Variants in SIAH1 observed in about 807,000 individuals in gnomAD.
SIAH1 encodes E3 ubiquitin-protein ligase SIAH1.
A neutral mutation model predicts 20.0 loss-of-function variants in SIAH1; 2 were observed. The observed-to-expected ratio is 0.10, with a 90% CI of 0.04 to 0.31. The LOEUF is 0.31. Among genes scored for constraint, SIAH1 ranks in the 10% least tolerant of loss-of-function variants. The pLI, the probability that SIAH1 is intolerant of heterozygous loss-of-function variation, is 1.00. For synonymous variants in SIAH1, 118 were observed against 125.3 expected (o/e 0.94, Z 0.39); for missense variants, 119 against 355.3 (o/e 0.33, Z 5.35).
chr16:48,384,480 T>A (rs770232463), intron 1 of SIAH1, among the ~76,000 whole-genome samples: 4 of 152,128 alleles, frequency 2.6e-5, no homozygotes, highest in Non-Finnish European at 4.4e-5. Context: ...AAATGAACCC[T>A]AGGAAATGCC....
At chr16:48,365,201 G>A (rs768531090) in intron 1 of SIAH1, 1 of 614,452 alleles carries the variant, frequency 1.6e-6, no homozygotes, top group Non-Finnish European at 2.8e-6. Context: ...CAGCCCTGCA[G>A]AAGTCATGAC....
intron 1 of SIAH1, chr16:48,365,321 A>G (rs1369044654): frequency 2.6e-6 from 4 of 1,556,838 alleles, no homozygotes; most frequent in South Asian, 1.1e-5. Flanking sequence ...TAAGCCAGGC[A>G]GGTTCCACTG....
intron 1 of SIAH1, among the ~76,000 whole-genome samples, chr16:48,375,145 A>AAT (rs1045089955): frequency 2.0e-5 from 3 of 152,192 alleles, no homozygotes; most frequent in African/African-American, 7.2e-5. Context: ...TGAGACTCTA[A>AAT]AAAGTCTATC....
upstream of SIAH1, chr16:48,385,520 G>GCAGGCGCA (rs895550569): frequency 2.6e-5 from 4 of 151,668 alleles, no homozygotes; most frequent in Non-Finnish European, 5.9e-5. Flanking sequence ...TCGCGGGCGC[G>GCAGGCGCA]CAGGCGCACA....
At position 48,362,671 on chromosome 16, in the gene SIAH1, CTCCCTTAA is replaced by C. The variant is rs1326584935; in HGVS notation, c.-2-249_-2-242del. ...AAAATGTTCCGGAAAACATGTGGAA[CTCCCTTAA>C]TCGTCTTTGGATAGACTACATAGAA... On this transcript the variant is annotated intron_variant, in intron 1 of 1. Coordinates refer to ENST00000394725, the MANE Select transcript of SIAH1 (RefSeq NM_003031.4). The surrounding 1 kb of genome is among the most constrained non-coding windows in gnomAD (Gnocchi z 4.2). 4.2e-6 allele frequency: 2 copies of C among 474,772 alleles called. No individual in the cohort carries two copies. Among genetic ancestry groups the C allele is most frequent in the Non-Finnish European group, 7.8e-6 (2 of 257,256 alleles). The allele number at this position is 474,772 out of a possible 1,614,324, so 29.4% of individuals were successfully genotyped here. A position where few individuals can be genotyped will look rare whatever the true frequency, so the allele number is the denominator to read the frequency against.
At chr16:48,364,192 G>A (rs1053486590) in intron 1 of SIAH1, among the ~76,000 whole-genome samples, 1 of 151,702 alleles carries the variant, frequency 6.6e-6, no homozygotes, top group African/African-American at 2.4e-5. Context: ...CACCCGCCTC[G>A]GCCTCCCAAA....
At chr16:48,367,306 G>A (rs1360113852) in intron 1 of SIAH1, among the ~76,000 whole-genome samples, 1 of 152,182 alleles carries the variant, frequency 6.6e-6, no homozygotes, top group Non-Finnish European at 1.5e-5. Flanking sequence ...AAAGATGACT[G>A]ATTATTTCTC....
chr16:48,363,677 GAAC>G (rs1485473172), intron 1 of SIAH1: 2 of 167,178 alleles, frequency 1.2e-5, no homozygotes, highest in East Asian at 3.8e-4. Flanking sequence ...AACAGGTGAA[GAAC>G]CCCTTGCAGC....
At chr16:48,377,079 T>C (rs1283986688) in intron 1 of SIAH1, among the ~76,000 whole-genome samples, 1 of 152,202 alleles carries the variant, frequency 6.6e-6, no homozygotes, top group Non-Finnish European at 1.5e-5. Context: ...CTATACCAAG[T>C]ACGCTGAAAT....
intron 1 of SIAH1, among the ~76,000 whole-genome samples, chr16:48,381,722 TAAAA>T: frequency 6.6e-6 from 1 of 152,018 alleles, no homozygotes; most frequent in Non-Finnish European, 1.5e-5. Context: ...ATGGTGACAA[TAAAA>T]GAAAGAAGAT....
intron 1 of SIAH1, chr16:48,365,979 A>G: frequency 9.5e-7 from 1 of 1,052,134 alleles, no homozygotes; most frequent in Non-Finnish European, 1.2e-6. Context: ...CGCCAGGGCC[A>G]GTTCAGGGCG....
chr16:48,366,508 A>G (rs1164071041), intron 1 of SIAH1, among the ~76,000 whole-genome samples: 1 of 152,030 alleles, frequency 6.6e-6, no homozygotes. Flanking sequence ...TAAACCTCCT[A>G]AGAGATTATA....
rs1228433714 is a variant in SIAH1 at position 48,361,543 on chromosome 16, GT to G, written c.*36del. On this transcript the variant is annotated 3_prime_UTR_variant, in exon 2 of 2. Transcript: ENST00000394725. ...GTGCCTTATTTTCTGTGAAACTGAA[GT>G]TTTAAACACTGGCCAGAAAATGTTT... The G allele has an allele frequency of 6.3e-7, 1 of 1,599,840 alleles. No individual in the cohort carries two copies. The highest frequency in any genetic ancestry group is 8.5e-7 in the Non-Finnish European group (1 of 1,173,376).
rs184150006 is a variant in SIAH1 at position 48,368,399 on chromosome 16, A to C, written c.-2-5969T>G. On this transcript the variant is annotated intron_variant, in intron 1 of 1. Coordinates refer to ENST00000394725, the MANE Select transcript of SIAH1 (RefSeq NM_003031.4). ...TTTATTCTTAATTTAGTAAAAAACA[A>C]CAACAACAAAAAACAGCTGGGCGTG... is the stretch of plus-strand genomic sequence containing the variant. Among the ~76,000 whole-genome samples, 870 of 152,384 alleles carry C rather than the reference A, an allele frequency of 5.7e-3. 10 individuals carry two copies. Among genetic ancestry groups the C allele is most frequent in the African/African-American group, 0.02 (836 of 41,590 alleles).
At chr16:48,363,794 A>AG (rs1396366587) in intron 1 of SIAH1, 1 of 166,996 alleles carries the variant, frequency 6.0e-6, no homozygotes, top group Non-Finnish European at 1.5e-5. Context: ...GTAACTAGCC[A>AG]GGCTGAGTCA....
At chr16:48,384,854 C>A (rs1961402817) in intron 1 of SIAH1, among the ~76,000 whole-genome samples, 1 of 146,392 alleles carries the variant, frequency 6.8e-6, no homozygotes, top group Admixed American at 6.8e-5. Flanking sequence ...CCGGGCGCCA[C>A]CCCCGGCCGG....
intron 1 of SIAH1, among the ~76,000 whole-genome samples, chr16:48,380,839 A>C (rs1261211325): frequency 7.1e-6 from 1 of 141,786 alleles, no homozygotes; most frequent in Non-Finnish European, 1.5e-5. Flanking sequence ...GAGGCAGGAG[A>C]AATCACTTGA....
At chr16:48,374,137 C>G (rs1362684394) in intron 1 of SIAH1, among the ~76,000 whole-genome samples, 17 of 152,198 alleles carry the variant, frequency 1.1e-4, no homozygotes, top group Admixed American at 1.0e-3. Flanking sequence ...TATCTTCTAA[C>G]AGACTACATA....
intron 1 of SIAH1, among the ~76,000 whole-genome samples, chr16:48,371,838 CA>C (rs1280541705): frequency 6.6e-6 from 1 of 152,192 alleles, no homozygotes; most frequent in Non-Finnish European, 1.5e-5. Flanking sequence ...TCTCAGGATA[CA>C]AAATTCTCAC....
Sources: allele counts gnomAD v4.1 joint callset (sites outside exome capture counted in the v4.1 genomes callset), GRCh38; gene constraint gnomAD v4.1.1; non-coding constraint Gnocchi (gnomAD v3.1); transcripts MANE v1.5; gene names NCBI Gene and HGNC (gene_info 2026-07-23, HGNC 2026-07-21).